The following CCDC3 variants were observed in gnomAD, a reference collection of about 807,000 sequenced individuals.
The protein encoded by CCDC3 is coiled-coil domain-containing protein 3.
Under a neutral mutation model 21.4 loss-of-function variants are expected in CCDC3, and 24 were observed. The ratio of observed to expected loss-of-function variants is 1.12; its 90% CI spans 0.81 to 1.58. The LOEUF (loss-of-function observed/expected upper bound fraction) is 1.58. Among genes scored for constraint, CCDC3 ranks in the 40% most tolerant of loss-of-function variants. The pLI, the probability that CCDC3 is intolerant of heterozygous loss-of-function variation, is 0.00. For missense variants in CCDC3, 425 were observed against 360.9 expected, an observed-to-expected ratio of 1.18 and a Z score of -1.44; for synonymous variants, 186 against 166.0, an observed-to-expected ratio of 1.12 and a Z score of -0.93.
intron 2 of CCDC3, among the ~76,000 whole-genome samples, chr10:12,981,251 T>A (rs796085983): frequency 1.1e-4 from 16 of 149,142 alleles, no homozygotes; most frequent in South Asian, 8.5e-4. Flanking sequence ...GTGATCTTGG[T>A]TCATGGCAAC....
chr10:13,068,652 G>A (rs1037651171), intron 4 of CCDC3, among the ~76,000 whole-genome samples: 4 of 152,162 alleles, frequency 2.6e-5, no homozygotes, highest in African/African-American at 4.8e-5. Context: ...GAGGCCTACA[G>A]ACATATGGAA....
intron 1 of CCDC3, chr10:13,099,427 C>T (rs1832688487): frequency 6.7e-6 from 1 of 148,228 alleles, no homozygotes; most frequent in African/African-American, 2.5e-5. Context: ...TCTCTCTCCC[C>T]CTCCCTCCTT....
intron 2 of CCDC3, among the ~76,000 whole-genome samples, chr10:12,918,716 G>A (rs1834398005): frequency 6.6e-6 from 1 of 152,162 alleles, no homozygotes; most frequent in Non-Finnish European, 1.5e-5. Context: ...TTAAACAGAT[G>A]GAAGGGGGAA....
intron 2 of CCDC3, among the ~76,000 whole-genome samples, chr10:12,928,635 C>T (rs1021658471): frequency 2.0e-5 from 3 of 152,162 alleles, no homozygotes; most frequent in South Asian, 2.1e-4. Flanking sequence ...TTGGCTAAGT[C>T]GTAACAATCA....
intron 5 of CCDC3, among the ~76,000 whole-genome samples, chr10:13,019,645 A>T (rs538369097): frequency 1.3e-5 from 2 of 152,158 alleles, no homozygotes; most frequent in African/African-American, 4.8e-5. Context: ...AATGCTGGTG[A>T]CCCCACATGA....
At chr10:12,959,747 T>A (rs767894275) in intron 2 of CCDC3, among the ~76,000 whole-genome samples, 7 of 152,144 alleles carry the variant, frequency 4.6e-5, no homozygotes, top group Non-Finnish European at 1.0e-4. Context: ...CTGGATCTCA[T>A]GGCTGGTCAA....
intron 2 of CCDC3, among the ~76,000 whole-genome samples, chr10:12,928,398 T>C (rs1834580573): frequency 6.6e-6 from 1 of 152,216 alleles, no homozygotes; most frequent in Non-Finnish European, 1.5e-5. Flanking sequence ...AGTTTTCTGT[T>C]AAATTTCCCT....
chr10:13,058,445 G>C (rs533999653), intron 4 of CCDC3: 6 of 760,660 alleles, frequency 7.9e-6, no homozygotes, highest in Non-Finnish European at 9.6e-6. Flanking sequence ...GTGTGCATAT[G>C]CTGCGCAGAC....
chr10:12,994,403 C>A (rs58043715), intron 2 of CCDC3, among the ~76,000 whole-genome samples: 3,210 of 122,828 alleles, frequency 0.026, 200 homozygotes, highest in African/African-American at 0.11. Context: ...GTCTCAAAAA[C>A]AAAACAAAAC....
At chr10:12,925,650 C>G in intron 2 of CCDC3, among the ~76,000 whole-genome samples, 1 of 152,232 alleles carries the variant, frequency 6.6e-6, no homozygotes. Context: ...TGGAGTCACA[C>G]AGAATAAACT....
intron 2 of CCDC3, among the ~76,000 whole-genome samples, chr10:12,961,418 G>A (rs1274456992): frequency 6.6e-6 from 1 of 152,174 alleles, no homozygotes; most frequent in Non-Finnish European, 1.5e-5. Flanking sequence ...ATAATAATGG[G>A]ATCCAAATAA....
At chr10:12,916,194 G>A (rs1475032455) in intron 2 of CCDC3, among the ~76,000 whole-genome samples, 2 of 152,180 alleles carry the variant, frequency 1.3e-5, no homozygotes, top group African/African-American at 4.8e-5. Context: ...AGCACTTTGG[G>A]AGGCCAAGGT....
chr10:12,953,998 A>G lies in CCDC3; in HGVS notation c.549+44340T>C, dbSNP rs147740108. On this transcript the variant is annotated intron_variant, in intron 2 of 2. Coordinates refer to ENST00000378825, the MANE Select transcript of CCDC3 (RefSeq NM_031455.4). ...AACAACTGAGCATGGCTGTGATCCA[A>G]AAACACCTTATTTACAGCCATCAAT... Among the ~76,000 whole-genome samples the G allele has an allele frequency of 2.0e-5, 3 of 152,364 alleles. No homozygotes were observed. In the East Asian group the frequency reaches 5.8e-4, roughly 29 times the overall value.
At chr10:12,969,281 C>G (rs1414716411) in intron 2 of CCDC3, among the ~76,000 whole-genome samples, 1 of 151,898 alleles carries the variant, frequency 6.6e-6, no homozygotes, top group Non-Finnish European at 1.5e-5. Context: ...GTTAGAATGA[C>G]TATAATAAAA....
chr10:12,991,886 T>G (rs557181609), intron 2 of CCDC3, among the ~76,000 whole-genome samples: 1 of 152,152 alleles, frequency 6.6e-6, no homozygotes, highest in African/African-American at 2.4e-5. Flanking sequence ...AAATCCTTAT[T>G]ATGGACAAAG....
chr10:13,017,590 A>C (rs780511768), intron 5 of CCDC3, among the ~76,000 whole-genome samples: 3 of 151,932 alleles, frequency 2.0e-5, no homozygotes, highest in Non-Finnish European at 2.9e-5. Context: ...CCATCCAACC[A>C]ATTTCCCAAC....
intron 3 of CCDC3, among the ~76,000 whole-genome samples, chr10:13,089,077 C>T (rs576832329): frequency 5.3e-5 from 8 of 151,724 alleles, no homozygotes; most frequent in South Asian, 4.2e-4. Context: ...AACAGGTCTA[C>T]GACAAATTCC....
chr10:12,909,637 C>T (rs113721857), intron 2 of CCDC3, among the ~76,000 whole-genome samples: 18 of 152,310 alleles, frequency 1.2e-4, no homozygotes, highest in African/African-American at 4.3e-4. Context: ...CAGGCTCTCC[C>T]TTCCGGTGTC....
chr10:12,941,355 T>G (rs1335365875), intron 2 of CCDC3, among the ~76,000 whole-genome samples: 1 of 151,874 alleles, frequency 6.6e-6, no homozygotes, highest in African/African-American at 2.4e-5. Flanking sequence ...CTCCCAGGGC[T>G]GCTCTGTCTA....
Sources: gnomAD v4.1 joint callset for allele counts (sites outside exome capture counted in the v4.1 genomes callset) on GRCh38, gnomAD v4.1.1 for gene constraint, MANE v1.5 for transcripts, NCBI Gene and HGNC (gene_info 2026-07-23, HGNC 2026-07-21) for gene names.